Variants in TMEM132C observed in about 807,000 individuals in gnomAD.
TMEM132C encodes the protein transmembrane protein 132C.
In TMEM132C, 29 loss-of-function variants were observed where a neutral mutation model predicts 61.4. The ratio of observed to expected loss-of-function variants is 0.47; its 90% confidence interval spans 0.35 to 0.64. The LOEUF (loss-of-function observed/expected upper bound fraction) is 0.64, where lower values mean the gene tolerates loss of function less well. Ranked by LOEUF, TMEM132C falls within the 30% of genes least tolerant of loss-of-function variation. The pLI is 0.00. For synonymous variants in TMEM132C, 656 were observed against 633.1 expected (o/e 1.04, Z -0.54); for missense variants, 1,408 against 1,476.9 (o/e 0.95, Z 0.76).
chr12:128,482,502 G>A (rs1871344186), intron 2 of TMEM132C, among the ~76,000 whole-genome samples: 1 of 152,104 alleles, frequency 6.6e-6, no homozygotes, highest in South Asian at 2.1e-4. Context: ...AATGAGTTAG[G>A]GAAAAGTCCC....
rs267603373 is a variant in TMEM132C at position 128,705,254 on chromosome 12, G to A, written c.2286G>A (p.Gly762=). The A allele has an allele frequency of 9.7e-6, 15 of 1,551,552 alleles. No homozygotes were observed. The South Asian group carries it at 1.5e-4, about 16-fold the overall frequency. The change falls in exon 9 of 9, where the codon GGG becomes GGA. Residue 762 remains glycine (G), a synonymous_variant. Transcript: ENST00000435159. ...GGTGGCCCGTTGTGGTGGCCGAAGG[G>A]GAAGGCCAGGGCCCACTGATCCGAG... The part of the protein sequence containing the change: ...SPRWPVVVAE[G]EGQGPLIRVD...
rs1038073940 is a variant in TMEM132C, at chr12:128,705,288, A to G, written c.2320A>G (p.Thr774Ala). Reference sequence around the variant, plus strand: ...GGGCCCACTGATCCGAGTGGACATGACGATCGCCGAGGCCTGCCAGAAATC... The same window carrying G: ...GGGCCCACTGATCCGAGTGGACATGGCGATCGCCGAGGCCTGCCAGAAATC... Reference protein sequence around the residue: ...GQGPLIRVDMTIAEACQKSKR... With the variant: ...GQGPLIRVDMAIAEACQKSKR... Residue 774 changes from threonine (T) to alanine (A), a missense_variant, in exon 9 of 9, where the codon ACG (threonine) becomes GCG (alanine). Physicochemically the swap from Thr to Ala is moderately conservative, Grantham distance 58 (BLOSUM62 0). Coordinates refer to ENST00000435159, the MANE Select transcript of TMEM132C (RefSeq NM_001136103.3). 2.1e-5 allele frequency: 33 copies of G among 1,551,382 alleles called. No individual in the cohort carries two copies. Among genetic ancestry groups the G allele is most frequent in the Middle Eastern group, 1.7e-4 (1 of 6,010 alleles).
chr12:128,508,043 C>A (rs945024320), intron 2 of TMEM132C, among the ~76,000 whole-genome samples: 6 of 152,020 alleles, frequency 3.9e-5, no homozygotes, highest in African/African-American at 1.5e-4. Context: ...ACCTTGACAC[C>A]CTTGGTTTGT....
At chr12:128,444,001 G>A (rs1869884489) in intron 2 of TMEM132C, among the ~76,000 whole-genome samples, 1 of 152,180 alleles carries the variant, frequency 6.6e-6, no homozygotes, top group Non-Finnish European at 1.5e-5. Flanking sequence ...ATAGCTCACT[G>A]TAGCCTCAAA....
At chr12:128,665,809 GCACA>G (rs201568611) in intron 4 of TMEM132C, among the ~76,000 whole-genome samples, 2 of 104,156 alleles carry the variant, frequency 1.9e-5, no homozygotes, top group African/African-American at 4.2e-5. Context: ...ACATTCACAG[GCACA>G]CACACATTCA....
At chr12:128,455,352 G>T (rs1274716012) in intron 2 of TMEM132C, among the ~76,000 whole-genome samples, 1 of 152,224 alleles carries the variant, frequency 6.6e-6, no homozygotes, top group African/African-American at 2.4e-5. Context: ...TGAAACAGAA[G>T]TGGGAAGGTT....
At chr12:128,546,832 G>T (rs1311011199) in intron 3 of TMEM132C, among the ~76,000 whole-genome samples, 3 of 152,188 alleles carry the variant, frequency 2.0e-5, no homozygotes, top group Admixed American at 1.3e-4. Context: ...AATCACATCT[G>T]CAAAGTCCCT....
At chr12:128,641,316 G>A (rs544909074) in intron 4 of TMEM132C, among the ~76,000 whole-genome samples, 1 of 152,212 alleles carries the variant, frequency 6.6e-6, no homozygotes, top group African/African-American at 2.4e-5. Flanking sequence ...GAGATCTGGA[G>A]TGGGTTGGGT....
intron 3 of TMEM132C, among the ~76,000 whole-genome samples, chr12:128,552,941 C>T (rs1010375821): frequency 3.3e-5 from 5 of 151,976 alleles, no homozygotes; most frequent in African/African-American, 1.2e-4. Flanking sequence ...GCATAAAAAT[C>T]CTATTGAAGT....
At chr12:128,381,324 A>T (rs2135991155) in intron 1 of TMEM132C, among the ~76,000 whole-genome samples, 1 of 152,290 alleles carries the variant, frequency 6.6e-6, no homozygotes, top group South Asian at 2.1e-4. Flanking sequence ...CTTGACTGTG[A>T]ATCCATCTGG....
chr12:128,676,587 C>T (rs1206781773), intron 5 of TMEM132C, among the ~76,000 whole-genome samples: 1 of 152,178 alleles, frequency 6.6e-6, no homozygotes, highest in Non-Finnish European at 1.5e-5. Context: ...CCCACATATA[C>T]AGATAATTTT....
intron 2 of TMEM132C, among the ~76,000 whole-genome samples, chr12:128,496,179 G>A (rs1433003318): frequency 2.0e-5 from 3 of 152,182 alleles, no homozygotes; most frequent in Non-Finnish European, 2.9e-5. Flanking sequence ...CTTCTGGCTT[G>A]TAGAGTTTCT....
At chr12:128,386,705 C>T (rs1433928449) in intron 1 of TMEM132C, among the ~76,000 whole-genome samples, 1 of 152,180 alleles carries the variant, frequency 6.6e-6, no homozygotes, top group Non-Finnish European at 1.5e-5. Context: ...ATTCTTATCC[C>T]CCATCTTTTA....
chr12:128,707,707 G>C lies in TMEM132C; in HGVS notation c.*1412G>C, dbSNP rs1239623750. 6.6e-6 allele frequency: 1 copy of C among 152,166 alleles called. No individual in the cohort carries two copies. The highest frequency in any genetic ancestry group is 1.5e-5 in the Non-Finnish European group (1 of 68,034). 9.4% of individuals were successfully genotyped at this position (152,166 alleles called of 1,614,324 possible). On this transcript the variant is annotated 3_prime_UTR_variant, in exon 9 of 9. Transcript: ENST00000435159. Reference sequence around the variant, plus strand: ...GCCCTCATGCTCTCCGCAGGGGGGCGCTCACAAAGATGCCAGGGGTGTTTA... The same window carrying C: ...GCCCTCATGCTCTCCGCAGGGGGGCCCTCACAAAGATGCCAGGGGTGTTTA...
At chr12:128,704,047 G>A (rs554128151) in intron 8 of TMEM132C, among the ~76,000 whole-genome samples, 1 of 152,304 alleles carries the variant, frequency 6.6e-6, no homozygotes, top group South Asian at 2.1e-4. Flanking sequence ...TGGGGAGGAG[G>A]CGAGACAGCA....
intron 3 of TMEM132C, among the ~76,000 whole-genome samples, chr12:128,560,429 T>G (rs978391322): frequency 2.0e-5 from 3 of 152,192 alleles, no homozygotes; most frequent in African/African-American, 7.2e-5. Flanking sequence ...GACCTGACCC[T>G]GATGAGCTAA....
intron 3 of TMEM132C, among the ~76,000 whole-genome samples, chr12:128,553,383 T>C (rs1312847703): frequency 6.6e-6 from 1 of 152,236 alleles, no homozygotes; most frequent in Non-Finnish European, 1.5e-5. Flanking sequence ...AGATATGTTT[T>C]TTAAACCCAT....
intron 4 of TMEM132C, among the ~76,000 whole-genome samples, chr12:128,643,337 C>T (rs1324633784): frequency 6.6e-6 from 1 of 152,202 alleles, no homozygotes; most frequent in Non-Finnish European, 1.5e-5. Context: ...GCAAGGGAGG[C>T]CCCTGGCTGC....
chr12:128,467,168 CCTT>C (rs1291156029), intron 2 of TMEM132C, among the ~76,000 whole-genome samples: 8 of 152,150 alleles, frequency 5.3e-5, no homozygotes, highest in Non-Finnish European at 1.0e-4. Flanking sequence ...AGAAAATCCT[CCTT>C]CTGAACTATT....
Sources: allele counts gnomAD v4.1 joint callset (sites outside exome capture counted in the v4.1 genomes callset), GRCh38; gene constraint gnomAD v4.1.1; transcripts MANE v1.5; gene names NCBI Gene and HGNC (gene_info 2026-07-23, HGNC 2026-07-21).